The following CCDC81 variants were observed in gnomAD, a reference collection of about 807,000 sequenced individuals.
The protein encoded by CCDC81 is coiled-coil domain containing 81, also known as coiled-coil domain-containing protein 81.
A neutral mutation model predicts 83.7 loss-of-function variants in CCDC81; 79 were observed. That is an observed-to-expected ratio of 0.94 (90% confidence interval 0.79 to 1.14). The LOEUF (loss-of-function observed/expected upper bound fraction) is 1.14, where lower values mean the gene tolerates loss of function less well. CCDC81 is among the 50% of genes most tolerant of loss of function. The probability of loss-of-function intolerance (pLI) is 0.00; values close to 1 mark genes in which losing one functional copy is unlikely to be tolerated. For synonymous variants in CCDC81, 252 were observed against 278.1 expected, an observed-to-expected ratio of 0.91 and a Z score of 0.93; for missense variants, 791 against 778.1, an observed-to-expected ratio of 1.02 and a Z score of -0.20.
intron 2 of CCDC81, 63 bp from the exon 3 acceptor site, chr11:86,387,453 T>A (rs778970032): frequency 2.0e-6 from 3 of 1,501,640 alleles, no homozygotes; most frequent in Non-Finnish European, 2.8e-6. Context: ...GATAATAATA[T>A]TAAGGATTAT....
chr11:86,382,922 T>C lies in CCDC81; in HGVS notation c.80-3129T>C, dbSNP rs375447705. On this transcript the variant is annotated intron_variant, in intron 1 of 14. Transcript: ENST00000445632. ...GAATTAAATACGTTTATTGAATGTA[T>C]TGACAAAGAGACCATTGGTGACTTC... Among the ~76,000 whole-genome samples, 4 of 152,296 alleles carry C rather than the reference T, an allele frequency of 2.6e-5. No individual in the cohort carries two copies. In the South Asian group the frequency reaches 8.3e-4, roughly 32 times the overall value.
chr11:86,375,073 T>C lies in CCDC81; in HGVS notation c.-91T>C. 8.9e-7 allele frequency: 1 copy of C among 1,124,010 alleles called. No individual in the cohort carries two copies. The highest frequency in any genetic ancestry group is 1.4e-6 in the Non-Finnish European group (1 of 736,516). The allele number at this position is 1,124,010 out of a possible 1,614,324, so 69.6% of individuals were successfully genotyped here. A position where few individuals can be genotyped will look rare whatever the true frequency, so the allele number is the denominator to read the frequency against. On this transcript the variant is annotated 5_prime_UTR_variant, in exon 1 of 15. Coordinates refer to ENST00000445632, the MANE Select transcript of CCDC81 (RefSeq NM_001156474.2). ...ATCCAAAGCTCCGTGGAGAAGGGGC[T>C]GGAGGGTGGGAAAATTATTTTTGTG...
rs569766858 is a variant in CCDC81, at chr11:86,385,209, G to A, written c.80-842G>A. ...TGGAGACCAGCCTGGCCAACATGGCGAAACCCTGTCTCTACTAAAAGTACA... is the reference window on the plus strand; with the variant it reads ...TGGAGACCAGCCTGGCCAACATGGCAAAACCCTGTCTCTACTAAAAGTACA... On this transcript the variant is annotated intron_variant, in intron 1 of 14. Transcript: ENST00000445632. 4.0e-5 allele frequency among the ~76,000 whole-genome samples: 6 copies of A among 151,852 alleles called. 1 individual carries two copies. The highest frequency in any genetic ancestry group is 9.6e-5 in the African/African-American group (4 of 41,512).
intron 7 of CCDC81, among the ~76,000 whole-genome samples, chr11:86,406,756 G>A (rs1276231785): frequency 1.3e-5 from 2 of 152,182 alleles, no homozygotes; most frequent in Non-Finnish European, 2.9e-5. Context: ...AGTGAGCTGA[G>A]ATTGCGCCAT....
chr11:86,411,132 C>T (rs1948636473), intron 10 of CCDC81, among the ~76,000 whole-genome samples: 1 of 152,156 alleles, frequency 6.6e-6, no homozygotes, highest in African/African-American at 2.4e-5. Context: ...ATTTAGACTC[C>T]TCACCTTCAA....
intron 10 of CCDC81, among the ~76,000 whole-genome samples, chr11:86,412,171 AC>A (rs1181328237): frequency 3.9e-5 from 6 of 152,104 alleles, no homozygotes; most frequent in Non-Finnish European, 7.4e-5. Context: ...CCTAGACCAA[AC>A]CCCTGGTGTT....
chr11:86,395,641 G>A (rs1406509773), intron 5 of CCDC81, among the ~76,000 whole-genome samples: 1 of 152,024 alleles, frequency 6.6e-6, no homozygotes, highest in Non-Finnish European at 1.5e-5. Flanking sequence ...CCCTCACCGC[G>A]ACGGAGTCTT....
rs574714623 is a variant in CCDC81 at position 86,422,691 on chromosome 11, GC to G, written c.1937del (p.Pro646LeufsTer58). On this transcript the variant is annotated frameshift_variant, in exon 15 of 15. Transcript: ENST00000445632. LOFTEE classifies it high-confidence loss of function. ...ACCTGTGGCCCCTGAACAAGTTCCT[GC>G]CTGGCTCCCGGTTGCTTGTGTAAAA... ...SNLWPLNKFL[P>X]GSRLLV 5.0e-6 allele frequency: 8 copies of G among 1,613,904 alleles called. No individual in the cohort carries two copies. In the East Asian group the frequency reaches 1.6e-4, roughly 31 times the overall value.
At chr11:86,387,725 A>G (rs1948264388) in intron 3 of CCDC81, 53 bp downstream of exon 3, 1 of 1,305,818 alleles carries the variant, frequency 7.7e-7, no homozygotes, top group African/African-American at 1.5e-5. Flanking sequence ...TCCTGGGGAT[A>G]AAAAATGAAA....
At chr11:86,386,601 G>T (rs1238784020) in intron 2 of CCDC81, among the ~76,000 whole-genome samples, 1 of 152,216 alleles carries the variant, frequency 6.6e-6, no homozygotes, top group Admixed American at 6.5e-5. Flanking sequence ...ACTGGACAGA[G>T]ATTTGGGGAT....
chr11:86,397,670 G>C lies in CCDC81; in HGVS notation c.685G>C (p.Glu229Gln), dbSNP rs1948426371. Residue 229 changes from glutamate to glutamine, a missense_variant, in exon 6 of 15, where the codon GAA (glutamate) becomes CAA (glutamine). Physicochemically the swap from Glu to Gln is conservative, Grantham distance 29. Transcript: ENST00000445632. ...CAAACTGCCTATGGAGACCCTTGTA[G>C]AAGAATGTGGAGAGAATAGAGAAAG... Reference protein sequence around the residue: ...ENKLPMETLVEECGENRERKC... With the variant: ...ENKLPMETLVQECGENRERKC... The C allele has an allele frequency of 1.2e-6, 2 of 1,613,772 alleles. 1 individual carries two copies. The highest frequency in any genetic ancestry group is 2.2e-5 in the South Asian group (2 of 91,060).
At chr11:86,382,134 C>T (rs1035588792) in intron 1 of CCDC81, among the ~76,000 whole-genome samples, 1 of 151,988 alleles carries the variant, frequency 6.6e-6, no homozygotes, top group African/African-American at 2.4e-5. Flanking sequence ...TTATGTTAAG[C>T]CTGATGGGAA....
chr11:86,374,894 G>A lies in CCDC81; in HGVS notation c.-270G>A, dbSNP rs984087600. ...GCGGGTCTGCACACTCTCACTCGGT[G>A]CCGGACATCAGTTCCTGCGGCTCTT... On this transcript the variant is annotated 5_prime_UTR_variant, in exon 1 of 15. Transcript: ENST00000445632. The A allele has an allele frequency of 4.6e-6, 2 of 437,246 alleles. No individual in the cohort carries two copies. The highest frequency in any genetic ancestry group is 2.0e-5 in the African/African-American group (1 of 49,580). The allele number at this position is 437,246 out of a possible 1,614,324, so 27.1% of individuals were successfully genotyped here. A position where few individuals can be genotyped will look rare whatever the true frequency, so the allele number is the denominator to read the frequency against.
At chr11:86,419,061 A>C (rs1948756209) in intron 13 of CCDC81, 1 of 152,224 alleles carries the variant, frequency 6.6e-6, no homozygotes, top group Non-Finnish European at 1.5e-5. Flanking sequence ...GTTTAAGGAA[A>C]AAGTGAGACA....
Position 86,422,747 on chromosome 11 carries a change from A to C in CCDC81, c.*32A>C. 6.3e-7 allele frequency: 1 copy of C among 1,599,900 alleles called. No homozygotes were observed. Among genetic ancestry groups the C allele is most frequent in the Non-Finnish European group, 8.5e-7 (1 of 1,170,956 alleles). ...AAGTTTGGCTCTTCGTTTCCCGGGG[A>C]AAGTTTTTATCTTTTACATGTTTGG... On this transcript the variant is annotated 3_prime_UTR_variant, in exon 15 of 15. Transcript: ENST00000445632.
intron 6 of CCDC81, among the ~76,000 whole-genome samples, chr11:86,398,043 C>A (rs1948434290): frequency 1.3e-5 from 2 of 151,960 alleles, no homozygotes; most frequent in African/African-American, 4.8e-5. Flanking sequence ...ATAGATGGGC[C>A]AGGCTGGTCT....
chr11:86,380,061 T>G, intron 1 of CCDC81, among the ~76,000 whole-genome samples: 1 of 151,084 alleles, frequency 6.6e-6, no homozygotes, highest in East Asian at 1.9e-4. Context: ...TTTTTTTAAA[T>G]GCAGATCCAA....
intron 7 of CCDC81, 94 bp downstream of exon 7, chr11:86,400,895 AT>A: frequency 7.6e-7 from 1 of 1,312,826 alleles, no homozygotes; most frequent in Non-Finnish European, 1.0e-6. Context: ...TCATTAATTC[AT>A]TTATCCAGTG....
intron 13 of CCDC81, among the ~76,000 whole-genome samples, chr11:86,417,198 G>A (rs1212750790): frequency 6.7e-6 from 1 of 148,512 alleles, no homozygotes; most frequent in Non-Finnish European, 1.5e-5. Context: ...AGCTGAGATT[G>A]CGCCACTGCA....
Sources: gnomAD v4.1 joint callset for allele counts (sites outside exome capture counted in the v4.1 genomes callset) on GRCh38, gnomAD v4.1.1 for gene constraint, MANE v1.5 for transcripts, NCBI Gene and HGNC (gene_info 2026-07-23, HGNC 2026-07-21) for gene names.